Variants in COPS7B observed in about 807,000 individuals in gnomAD.
COPS7B encodes COP9 signalosome complex subunit 7b.
Under a neutral mutation model 33.4 loss-of-function variants are expected in COPS7B, and 9 were observed. That is an observed-to-expected ratio of 0.27 (90% CI 0.16 to 0.47). The LOEUF (loss-of-function observed/expected upper bound fraction) is 0.47. COPS7B is among the 20% of genes least tolerant of loss of function. COPS7B has a pLI of 0.99. For missense variants in COPS7B, 242 were observed against 318.2 expected (o/e 0.76, Z 1.82); for synonymous variants, 119 against 126.3 (o/e 0.94, Z 0.39).
Position 231,798,970 on chromosome 2 carries a change from G to A in COPS7B, c.636+6G>A. 1 of 1,609,488 alleles carries A rather than the reference G, an allele frequency of 6.2e-7. No homozygotes were observed. The highest frequency in any genetic ancestry group is 8.5e-7 in the Non-Finnish European group (1 of 1,175,944). On this transcript the variant is annotated splice_donor_region_variant and intron_variant, in intron 6 of 6. Coordinates refer to ENST00000350033, the MANE Select transcript of COPS7B (RefSeq NM_022730.4). ...AGCAGCAGGTAGAAGCAGAGGTAAG[G>A]AAGGAAAGGAACATTTGTTTCTCTC...
At chr2:231,801,971 C>A (rs747940404) in intron 6 of COPS7B, among the ~76,000 whole-genome samples, 1 of 152,008 alleles carries the variant, frequency 6.6e-6, no homozygotes, top group Non-Finnish European at 1.5e-5. Context: ...GACGGGGTTT[C>A]GCAATGTTGG....
intron 5 of COPS7B, among the ~76,000 whole-genome samples, chr2:231,797,145 C>G (rs997349384): frequency 6.6e-6 from 1 of 152,308 alleles, no homozygotes; most frequent in African/African-American, 2.4e-5. Flanking sequence ...GAAGCAGACC[C>G]GGTGAGCTTT....
upstream of COPS7B, among the ~76,000 whole-genome samples, chr2:231,783,606 GTCT>G (rs1427873980): frequency 6.6e-6 from 1 of 152,204 alleles, no homozygotes; most frequent in East Asian, 1.9e-4. Context: ...AAATTGGGCT[GTCT>G]TCTTATTGAT....
upstream of COPS7B, among the ~76,000 whole-genome samples, chr2:231,784,172 A>G (rs756675663): frequency 1.7e-4 from 26 of 151,986 alleles, no homozygotes; most frequent in Non-Finnish European, 2.6e-4. Flanking sequence ...AGGGAGGCAC[A>G]CTTTGAAGGG....
upstream of COPS7B, among the ~76,000 whole-genome samples, chr2:231,784,554 T>C (rs1183759812): frequency 6.6e-6 from 1 of 152,122 alleles, no homozygotes; most frequent in Non-Finnish European, 1.5e-5. Flanking sequence ...CTAGAGGAAG[T>C]AGAGGCATTG....
chr2:231,803,672 C>G (rs368947302), intron 6 of COPS7B, among the ~76,000 whole-genome samples: 1 of 152,048 alleles, frequency 6.6e-6, no homozygotes, highest in East Asian at 1.9e-4. Context: ...ATTGAGTCAC[C>G]ATGAGAGAGG....
chr2:231,796,387 G>C lies in COPS7B; in HGVS notation c.530+79G>C. On this transcript the variant is annotated intron_variant, in intron 5 of 6. Transcript: ENST00000350033. ...GCAAAAATGTGATTCCCTGGTGTCA[G>C]CTGAGGGTTTGGGGTGGGCCTGTAG... 2.9e-6 allele frequency: 4 copies of C among 1,391,976 alleles called. No individual in the cohort carries two copies. In the Admixed American group the frequency reaches 5.5e-5, roughly 19 times the overall value. 86.2% of individuals were successfully genotyped at this position (1,391,976 alleles called of 1,614,324 possible).
chr2:231,800,715 G>A (rs1046854173), intron 6 of COPS7B, among the ~76,000 whole-genome samples: 1 of 152,194 alleles, frequency 6.6e-6, no homozygotes, highest in Non-Finnish European at 1.5e-5. Flanking sequence ...AGCAGAGCCT[G>A]GTGCTGCCAG....
intron 4 of COPS7B, among the ~76,000 whole-genome samples, chr2:231,795,723 T>C (rs1399381158): frequency 6.6e-6 from 1 of 152,208 alleles, no homozygotes. Flanking sequence ...CTCTTTCCAG[T>C]GACTGGGATC....
rs1315544917 is a variant in COPS7B, at chr2:231,796,257, G to A, written c.479G>A (p.Arg160His). ...QLLEVDFCIG[R>H]DIRKKDINNI... Reference sequence around the variant, plus strand: ...CTGGAAGTGGATTTCTGCATTGGCCGTGACATCCGAAAGAAGGATATCAAT... The same window carrying A: ...CTGGAAGTGGATTTCTGCATTGGCCATGACATCCGAAAGAAGGATATCAAT... Residue 160 changes from arginine (R) to histidine (H), a missense_variant, in exon 5 of 7, where the codon CGT becomes CAT. By Grantham distance (29) the Arg-to-His change is conservative (BLOSUM62 0). Transcript: ENST00000350033. 3.7e-6 allele frequency: 6 copies of A among 1,614,184 alleles called. No homozygotes were observed. Among genetic ancestry groups the A allele is most frequent in the Non-Finnish European group, 4.2e-6 (5 of 1,180,034 alleles).
upstream of COPS7B, chr2:231,786,392 AG>A (rs2106303235): frequency 1.0e-6 from 1 of 956,868 alleles, no homozygotes; most frequent in African/African-American, 1.8e-5. Flanking sequence ...CAGCGGTGGG[AG>A]GCTTCCGGGG....
At chr2:231,781,812 C>T (rs1389846152), upstream of COPS7B, 57 of 1,550,106 alleles carry the variant, frequency 3.7e-5, no homozygotes, top group Admixed American at 4.1e-4. Context: ...CCCTTCTCAC[C>T]CTCAAAAGAA....
In COPS7B at chr2:231,808,452, T is replaced by C. The variant is rs1374981852; in HGVS notation, c.*807T>C. 1.7e-5 allele frequency: 8 copies of C among 471,550 alleles called. No homozygotes were observed. In the East Asian group the frequency reaches 5.6e-4, roughly 33 times the overall value. 29.2% of individuals were successfully genotyped at this position (471,550 alleles called of 1,614,324 possible). A position where few individuals can be genotyped will look rare whatever the true frequency, so the allele number is the denominator to read the frequency against. On this transcript the variant is annotated 3_prime_UTR_variant, in exon 7 of 7. Coordinates refer to ENST00000350033, the MANE Select transcript of COPS7B (RefSeq NM_022730.4). ...GCTGCCCACTGGAACTGCCGGCTAATGCTTGCTCTCCCAAGATCTTTAACT... is the reference window on the plus strand; with the variant it reads ...GCTGCCCACTGGAACTGCCGGCTAACGCTTGCTCTCCCAAGATCTTTAACT...
At chr2:231,784,772 A>T (rs1021414037), upstream of COPS7B, among the ~76,000 whole-genome samples, 2 of 152,126 alleles carry the variant, frequency 1.3e-5, no homozygotes, top group African/African-American at 4.8e-5. Context: ...AATGTCTCCA[A>T]CAGTGTCCCT....
rs1664652094 is a variant in COPS7B at position 231,798,935 on chromosome 2, A to G, written c.607A>G (p.Asn203Asp). ...LRANQYKENH[N>D]RTQQQVEAEV... ...AGCCAACCAGTACAAAGAGAACCAC[A>G]ACCGAACTCAGCAGCAGGTAGAAGC... The change falls in exon 6 of 7, where the codon AAC (asparagine) becomes GAC (aspartate). Residue 203 changes from asparagine to aspartate, a missense_variant. Coordinates refer to ENST00000350033, the MANE Select transcript of COPS7B (RefSeq NM_022730.4). The G allele has an allele frequency of 6.2e-7, 1 of 1,614,220 alleles. No individual in the cohort carries two copies. Among genetic ancestry groups the G allele is most frequent in the Non-Finnish European group, 8.5e-7 (1 of 1,180,014 alleles).
chr2:231,808,342 G>T lies in COPS7B; in HGVS notation c.*697G>T. ...TGTGGGTCTGCTGGGTGGCAGAAAT[G>T]GTTCCTTCCGGCTTGGCGTTCTCTC... On this transcript the variant is annotated 3_prime_UTR_variant, in exon 7 of 7. Transcript: ENST00000350033. 7.0e-6 allele frequency: 3 copies of T among 430,720 alleles called. No individual in the cohort carries two copies. The highest frequency in any genetic ancestry group is 7.2e-5 in the East Asian group (1 of 13,964). The allele number at this position is 430,720 out of a possible 1,614,324, so 26.7% of individuals were successfully genotyped here.
At position 231,788,439 on chromosome 2, in the gene COPS7B, T is replaced by A; in HGVS notation, c.-16-116T>A. ...GCATGAGCCACTGCACTTGTCCTGT[T>A]TTTTCTTTATCAACACTATAAAAGT... On this transcript the variant is annotated intron_variant, in intron 1 of 6. Transcript: ENST00000350033. The A allele has an allele frequency of 3.0e-6, 3 of 1,010,312 alleles. 1 individual carries two copies. In the South Asian group the frequency reaches 4.9e-5, roughly 17 times the overall value. The allele number at this position is 1,010,312 out of a possible 1,614,324, so 62.6% of individuals were successfully genotyped here. A position where few individuals can be genotyped will look rare whatever the true frequency, so the allele number is the denominator to read the frequency against.
chr2:231,790,784 T>G (rs1445993032), intron 2 of COPS7B: 2 of 150,160 alleles, frequency 1.3e-5, no homozygotes, highest in Admixed American at 6.7e-5. Context: ...CAGGCCGGAC[T>G]GCGGACTGCA....
intron 6 of COPS7B, among the ~76,000 whole-genome samples, chr2:231,799,861 A>G (rs1228366178): frequency 6.6e-6 from 1 of 152,174 alleles, no homozygotes; most frequent in Non-Finnish European, 1.5e-5. Flanking sequence ...GATTTGTGAA[A>G]TTTGGAGTGA....
Sources: allele counts gnomAD v4.1 joint callset (sites outside exome capture counted in the v4.1 genomes callset), GRCh38; gene constraint gnomAD v4.1.1; transcripts MANE v1.5; gene names NCBI Gene and HGNC (gene_info 2026-07-23, HGNC 2026-07-21).